LAMA2: variants seen among roughly 807,000 people sequenced by gnomAD.
LAMA2 encodes laminin subunit alpha 2, also known as laminin subunit alpha-2.
Under a neutral mutation model 364.8 loss-of-function variants are expected in LAMA2, and 269 were observed. That is an observed-to-expected ratio of 0.74 (90% confidence interval 0.67 to 0.82). LAMA2 has a LOEUF of 0.82. Among genes scored for constraint, LAMA2 ranks in the 40% least tolerant of loss-of-function variants. LAMA2 has a pLI of 0.00. For synonymous variants in LAMA2, 1,379 were observed against 1,370.6 expected (o/e 1.01, Z -0.14); for missense variants, 3,807 against 3,873.2 (o/e 0.98, Z 0.45).
chr6:129,207,372 T>C (rs1040483206), intron 12 of LAMA2, among the ~76,000 whole-genome samples: 7 of 152,170 alleles, frequency 4.6e-5, no homozygotes, highest in Non-Finnish European at 1.0e-4. Context: ...CAACTCCTGG[T>C]TAAGTAAAAT....
chr6:129,237,835 T>C (rs1277136842), intron 12 of LAMA2, among the ~76,000 whole-genome samples: 2 of 152,070 alleles, frequency 1.3e-5, no homozygotes, highest in Admixed American at 6.6e-5. Flanking sequence ...TTATCAAACT[T>C]TTGGGTCTTT....
At chr6:129,014,959 T>C (rs9402091) in intron 1 of LAMA2, among the ~76,000 whole-genome samples, 139,750 of 152,068 alleles carry the variant, frequency 0.92, 64,642 homozygotes, top group East Asian at 0.97. Context: ...GAAGAACTAT[T>C]TAGCCTTAGA....
At chr6:129,247,754 GA>G (rs1282208671) in intron 12 of LAMA2, among the ~76,000 whole-genome samples, 5 of 152,082 alleles carry the variant, frequency 3.3e-5, no homozygotes, top group Non-Finnish European at 5.9e-5. Context: ...AAAGAGTTTA[GA>G]AAAAAATCAT....
intron 58 of LAMA2, among the ~76,000 whole-genome samples, chr6:129,498,150 G>T (rs967449139): frequency 6.6e-6 from 1 of 152,138 alleles, no homozygotes; most frequent in Non-Finnish European, 1.5e-5. Flanking sequence ...TCTTTTACTT[G>T]AATTTTATTG....
At chr6:129,502,081 TAC>T (rs1785689476) in intron 58 of LAMA2, among the ~76,000 whole-genome samples, 1 of 152,212 alleles carries the variant, frequency 6.6e-6, no homozygotes, top group African/African-American at 2.4e-5. Context: ...TATGGTGGGT[TAC>T]ATTTTTAAAA....
In LAMA2 at chr6:129,242,303, A is replaced by AATAGAT. The variant is rs376624050; in HGVS notation, c.1783-7807_1783-7806insAGATAT. On this transcript the variant is annotated intron_variant, in intron 12 of 64. Transcript: ENST00000421865. ...AACTACAATTCTCATTTAAAAAGAAAATTGCATTGCTGATATCTCTTTGTT... is the reference window on the plus strand; with the variant it reads ...AACTACAATTCTCATTTAAAAAGAAAATAGATATTGCATTGCTGATATCTCTTTGTT... Among the ~76,000 whole-genome samples the AATAGAT allele has an allele frequency of 2.6e-4, 39 of 152,260 alleles. 1 individual carries two copies. Among genetic ancestry groups the AATAGAT allele is most frequent in the Middle Eastern group, 3.4e-3 (1 of 294 alleles).
chr6:129,281,009 A>G (rs1172001804), intron 18 of LAMA2, among the ~76,000 whole-genome samples: 2 of 152,284 alleles, frequency 1.3e-5, no homozygotes, highest in East Asian at 3.9e-4. Context: ...ACCAGGATGC[A>G]TAAAATTAAT....
Position 129,506,963 on chromosome 6 carries a change from A to G in LAMA2, c.8704-526A>G, listed in dbSNP as rs186239445. On this transcript the variant is annotated intron_variant, in intron 61 of 64. Transcript: ENST00000421865. ...TACTTCTAAATTCCTTGAACCCCCAATGTTTCATGCAAACTTTCAAGTTTT... is the reference window on the plus strand; with the variant it reads ...TACTTCTAAATTCCTTGAACCCCCAGTGTTTCATGCAAACTTTCAAGTTTT... 5.3e-5 allele frequency among the ~76,000 whole-genome samples: 8 copies of G among 152,144 alleles called. No individual in the cohort carries two copies. In the East Asian group the frequency reaches 1.4e-3, roughly 26 times the overall value.
chr6:129,259,605 T>C (rs11961308), intron 14 of LAMA2, among the ~76,000 whole-genome samples: 12,175 of 152,166 alleles, frequency 0.08, 1,592 homozygotes, highest in African/African-American at 0.28. Flanking sequence ...TGTAATGTTT[T>C]GTAGTAATTT....
intron 9 of LAMA2, among the ~76,000 whole-genome samples, chr6:129,168,142 T>C (rs776778580): frequency 9.5e-4 from 136 of 143,234 alleles, no homozygotes; most frequent in Non-Finnish European, 1.6e-3. Context: ...GTAGTTTCTT[T>C]TGCTGTGCAG....
chr6:129,006,694 G>A (rs1784456974), intron 1 of LAMA2, among the ~76,000 whole-genome samples: 1 of 152,018 alleles, frequency 6.6e-6, no homozygotes, highest in Non-Finnish European at 1.5e-5. Context: ...TGTCATTCCT[G>A]CTTAATACTC....
At chr6:129,496,017 A>G (rs995066026) in intron 58 of LAMA2, among the ~76,000 whole-genome samples, 2 of 152,162 alleles carry the variant, frequency 1.3e-5, no homozygotes, top group African/African-American at 2.4e-5. Context: ...AAGACACCCT[A>G]AAGATTCCAA....
intron 1 of LAMA2, among the ~76,000 whole-genome samples, chr6:128,891,251 T>C (rs1776434820): frequency 6.6e-6 from 1 of 152,124 alleles, no homozygotes; most frequent in South Asian, 2.1e-4. Flanking sequence ...ACAATTATAA[T>C]ATTCCATCCA....
chr6:129,153,124 A>G (rs886899312), intron 7 of LAMA2, among the ~76,000 whole-genome samples: 3 of 152,214 alleles, frequency 2.0e-5, no homozygotes, highest in African/African-American at 4.8e-5. Context: ...GTCTTACCCA[A>G]TCCTTTCTGG....
intron 1 of LAMA2, among the ~76,000 whole-genome samples, chr6:129,027,808 G>A (rs969238235): frequency 6.6e-6 from 1 of 151,834 alleles, no homozygotes; most frequent in Admixed American, 6.6e-5. Context: ...TTTGACCAGA[G>A]CATGGGATTT....
At position 129,060,263 on chromosome 6, in the gene LAMA2, T is replaced by G. The variant is rs368149552; in HGVS notation, c.396+367T>G. Among the ~76,000 whole-genome samples the G allele has an allele frequency of 9.2e-5, 14 of 152,350 alleles. No homozygotes were observed. In the East Asian group the frequency reaches 1.5e-3, roughly 17 times the overall value. On this transcript the variant is annotated intron_variant, in intron 3 of 64. Transcript: ENST00000421865. ...TACATTGCTCCCACTGTGCTGATGGTGTGTGCACTTAAAGGTTCTTGGATA... is the reference window on the plus strand; with the variant it reads ...TACATTGCTCCCACTGTGCTGATGGGGTGTGCACTTAAAGGTTCTTGGATA...
At chr6:128,985,035 T>C (rs561110615) in intron 1 of LAMA2, among the ~76,000 whole-genome samples, 1 of 152,308 alleles carries the variant, frequency 6.6e-6, no homozygotes, top group African/African-American at 2.4e-5. Flanking sequence ...TTTTTATTCC[T>C]TTGATATAAA....
intron 1 of LAMA2, among the ~76,000 whole-genome samples, chr6:129,039,485 A>G (rs1786923141): frequency 1.3e-5 from 2 of 152,230 alleles, no homozygotes; most frequent in Admixed American, 6.5e-5. Flanking sequence ...TGTCTACGAC[A>G]CTACAGGTGA....
intron 14 of LAMA2, among the ~76,000 whole-genome samples, chr6:129,253,693 T>C (rs1433804841): frequency 6.6e-6 from 1 of 152,192 alleles, no homozygotes; most frequent in Non-Finnish European, 1.5e-5. Context: ...AAAAAGTGTC[T>C]GGGGGGCTTA....
Sources: gnomAD v4.1 joint callset for allele counts (sites outside exome capture counted in the v4.1 genomes callset) on GRCh38, gnomAD v4.1.1 for gene constraint, MANE v1.5 for transcripts, NCBI Gene and HGNC (gene_info 2026-07-23, HGNC 2026-07-21) for gene names.